FARP1: variants seen among roughly 807,000 people sequenced by gnomAD.
FARP1 encodes the protein FERM, ARHGEF and pleckstrin domain-containing protein 1.
In FARP1, 52 loss-of-function variants were observed where a neutral mutation model predicts 128.8. The observed-to-expected ratio is 0.40, with a 90% CI of 0.32 to 0.51. The LOEUF (loss-of-function observed/expected upper bound fraction) is 0.51, where lower values mean the gene tolerates loss of function less well. Ranked by LOEUF, FARP1 falls within the 20% of genes least tolerant of loss-of-function variation. The pLI is 0.45. For missense variants in FARP1, 1,333 were observed against 1,367.9 expected (o/e 0.97, Z 0.40); for synonymous variants, 580 against 551.8 (o/e 1.05, Z -0.72).
intron 1 of FARP1, among the ~76,000 whole-genome samples, chr13:98,170,217 T>G (rs1877557356): frequency 6.6e-6 from 1 of 152,186 alleles, no homozygotes; most frequent in South Asian, 2.1e-4. Flanking sequence ...AGAGTCTTAC[T>G]CTGTCACCCA....
At chr13:98,155,387 T>C (rs1301580261) in intron 1 of FARP1, among the ~76,000 whole-genome samples, 1 of 142,922 alleles carries the variant, frequency 7.0e-6, no homozygotes, top group Non-Finnish European at 1.5e-5. Context: ...GACTGTGGGG[T>C]CTGCTACCAA....
chr13:98,448,009 G>C, intron 26 of FARP1: 1 of 571,432 alleles, frequency 1.7e-6, no homozygotes, highest in Admixed American at 3.1e-5. Flanking sequence ...CAGTGTCACT[G>C]CAGCAAGGTA....
intron 12 of FARP1, among the ~76,000 whole-genome samples, chr13:98,394,243 G>T (rs886290176): frequency 2.0e-5 from 3 of 152,194 alleles, no homozygotes; most frequent in Admixed American, 2.0e-4. Context: ...TTTCCCTGGA[G>T]TTGGTCTCTG....
At chr13:98,411,155 C>T (rs1227231955) in intron 15 of FARP1, among the ~76,000 whole-genome samples, 3 of 152,146 alleles carry the variant, frequency 2.0e-5, no homozygotes, top group South Asian at 2.1e-4. Flanking sequence ...TTTTTGTTCA[C>T]GGGAGACCTC....
intron 1 of FARP1, among the ~76,000 whole-genome samples, chr13:98,173,372 AT>A (rs1227465156): frequency 6.6e-6 from 1 of 152,218 alleles, no homozygotes; most frequent in Non-Finnish European, 1.5e-5. Flanking sequence ...ATTTCAGGAT[AT>A]TAATCAATCT....
At chr13:98,328,727 T>A (rs1420527310) in intron 2 of FARP1, 1 of 152,202 alleles carries the variant, frequency 6.6e-6, no homozygotes, top group Non-Finnish European at 1.5e-5. Context: ...TCAGGGAGAC[T>A]TGAACACAAG....
chr13:98,412,551 A>G (rs1036177604), intron 16 of FARP1, among the ~76,000 whole-genome samples: 4 of 152,286 alleles, frequency 2.6e-5, no homozygotes, highest in East Asian at 1.9e-4. Context: ...GTTTTAATAC[A>G]TGAAATGCCA....
At chr13:98,444,008 C>T (rs998180160) in intron 24 of FARP1, among the ~76,000 whole-genome samples, 5 of 151,576 alleles carry the variant, frequency 3.3e-5, no homozygotes, top group East Asian at 1.9e-4. Flanking sequence ...TGCGGGAAGC[C>T]GGAAGTCCAA....
intron 1 of FARP1, among the ~76,000 whole-genome samples, chr13:98,202,495 C>G (rs748876671): frequency 6.6e-6 from 1 of 152,138 alleles, no homozygotes. Context: ...TGGAATTTTT[C>G]AGTTGCTTGT....
At chr13:98,151,401 T>C (rs1333432167) in intron 1 of FARP1, among the ~76,000 whole-genome samples, 1 of 152,142 alleles carries the variant, frequency 6.6e-6, no homozygotes, top group Non-Finnish European at 1.5e-5. Context: ...TTGGTAGTAA[T>C]TGTATCTTTT....
At chr13:98,318,950 G>GTTTTTTTTTTTTTTTT (rs56166470) in intron 2 of FARP1, among the ~76,000 whole-genome samples, 73 of 120,640 alleles carry the variant, frequency 6.1e-4, no homozygotes, top group Middle Eastern at 5.0e-3. Flanking sequence ...GTTTTTTCTT[G>GTTTTTTTTTTTTTTTT]TTTTTTTTTT....
chr13:98,448,151 C>G, intron 26 of FARP1, 85 bp from the exon 27 acceptor site: 1 of 1,190,074 alleles, frequency 8.4e-7, no homozygotes. Context: ...CTGACTTCAC[C>G]TTGTGTTTCT....
intron 16 of FARP1, among the ~76,000 whole-genome samples, chr13:98,419,198 G>A (rs9554465): frequency 0.12 from 17,573 of 152,172 alleles, 1,505 homozygotes; most frequent in East Asian, 0.3. Flanking sequence ...GTTAGGTCAG[G>A]CACAGTGGCT....
intron 2 of FARP1, among the ~76,000 whole-genome samples, chr13:98,262,765 G>GTAATC (rs1449625655): frequency 6.6e-6 from 1 of 152,138 alleles, no homozygotes; most frequent in Non-Finnish European, 1.5e-5. Flanking sequence ...AATAGAGCCA[G>GTAATC]TAATCTGTCA....
chr13:98,318,341 G>A (rs1157244720), intron 2 of FARP1, among the ~76,000 whole-genome samples: 1 of 152,100 alleles, frequency 6.6e-6, no homozygotes, highest in Non-Finnish European at 1.5e-5. Flanking sequence ...TCAGGCATGA[G>A]CCACCACTCC....
chr13:98,146,074 GA>G (rs542969848), intron 1 of FARP1, among the ~76,000 whole-genome samples: 5 of 152,040 alleles, frequency 3.3e-5, no homozygotes, highest in African/African-American at 9.6e-5. Context: ...ATAAACATCA[GA>G]AAAAAACAAC....
At chr13:98,436,418 C>T (rs1230055756) in intron 19 of FARP1, among the ~76,000 whole-genome samples, 2 of 152,224 alleles carry the variant, frequency 1.3e-5, no homozygotes, top group Non-Finnish European at 2.9e-5. Flanking sequence ...TGCGTCTCAT[C>T]AAATCTCTCT....
intron 18 of FARP1, among the ~76,000 whole-genome samples, chr13:98,435,193 C>G (rs1892205672): frequency 6.6e-6 from 1 of 152,140 alleles, no homozygotes; most frequent in African/African-American, 2.4e-5. Context: ...TCTATGGCCT[C>G]TTTGTGCTCA....
intron 1 of FARP1, among the ~76,000 whole-genome samples, chr13:98,190,332 A>C (rs1387068752): frequency 6.6e-6 from 1 of 152,210 alleles, no homozygotes; most frequent in African/African-American, 2.4e-5. Context: ...AAACTCTGAG[A>C]ACTTCCCTTT....
Sources: allele counts gnomAD v4.1 joint callset (sites outside exome capture counted in the v4.1 genomes callset), GRCh38; gene constraint gnomAD v4.1.1; transcripts MANE v1.5; gene names NCBI Gene and HGNC (gene_info 2026-07-23, HGNC 2026-07-21).